CADPS: variants seen among roughly 807,000 people sequenced by gnomAD.
CADPS encodes the protein calcium-dependent secretion activator 1.
A neutral mutation model predicts 167.3 loss-of-function variants in CADPS; 57 were observed. That is an observed-to-expected ratio of 0.34 (90% CI 0.28 to 0.42). The LOEUF is 0.42. Ranked by LOEUF, CADPS falls within the 20% of genes least tolerant of loss-of-function variation. The pLI is 1.00. For synonymous variants in CADPS, 676 were observed against 635.3 expected (o/e 1.06, Z -0.96); for missense variants, 1,414 against 1,738.1 (o/e 0.81, Z 3.32).
intron 18 of CADPS, among the ~76,000 whole-genome samples, chr3:62,497,469 A>G (rs781217441): frequency 4.6e-5 from 7 of 152,180 alleles, no homozygotes; most frequent in Non-Finnish European, 8.8e-5. Flanking sequence ...GGAAGAACAC[A>G]CTTACCATCG....
At chr3:62,428,805 A>G (rs562907556) in intron 28 of CADPS, among the ~76,000 whole-genome samples, 66 of 152,148 alleles carry the variant, frequency 4.3e-4, no homozygotes, top group Non-Finnish European at 8.4e-4. Context: ...CCCCAGGGGA[A>G]ATTTGGCCAT....
At chr3:62,532,216 G>A (rs2073840909) in intron 13 of CADPS, among the ~76,000 whole-genome samples, 1 of 152,100 alleles carries the variant, frequency 6.6e-6, no homozygotes. Flanking sequence ...ACTTCCTCAG[G>A]GAGGTCCTCC....
At chr3:62,802,908 G>A (rs754043730) in intron 1 of CADPS, among the ~76,000 whole-genome samples, 1 of 152,108 alleles carries the variant, frequency 6.6e-6, no homozygotes, top group African/African-American at 2.4e-5. Flanking sequence ...TCCCCAAATA[G>A]GTCATTTCCA....
intron 27 of CADPS, among the ~76,000 whole-genome samples, chr3:62,444,626 T>C (rs376018065): frequency 1.6e-4 from 24 of 152,344 alleles, no homozygotes; most frequent in African/African-American, 4.8e-4. Context: ...CTGAGGTTTG[T>C]GGATAGGAAG....
chr3:62,807,896 CAG>C (rs1215054308), intron 1 of CADPS, among the ~76,000 whole-genome samples: 1 of 151,740 alleles, frequency 6.6e-6, no homozygotes, highest in Non-Finnish European at 1.5e-5. Context: ...TTTTTTGAGA[CAG>C]AGTCTTGCAC....
intron 1 of CADPS, among the ~76,000 whole-genome samples, chr3:62,851,366 G>A (rs2078545575): frequency 7.5e-6 from 1 of 133,774 alleles, no homozygotes; most frequent in Non-Finnish European, 1.6e-5. Context: ...TTTCTTCCTA[G>A]TCTCGATGGT....
chr3:62,557,349 T>C (rs779194075), intron 10 of CADPS, 56 bp downstream of exon 10: 81 of 1,164,636 alleles, frequency 7.0e-5, no homozygotes, highest in Middle Eastern at 2.0e-4. Flanking sequence ...TAGTTGACCA[T>C]TGATTTGGGA....
At chr3:62,683,911 T>C (rs2077542119) in intron 3 of CADPS, among the ~76,000 whole-genome samples, 1 of 152,042 alleles carries the variant, frequency 6.6e-6, no homozygotes. Flanking sequence ...TCTCAATATG[T>C]CATATCAAAG....
At chr3:62,431,023 C>CT (rs1332451282) in intron 28 of CADPS, among the ~76,000 whole-genome samples, 3 of 152,232 alleles carry the variant, frequency 2.0e-5, no homozygotes, top group Middle Eastern at 3.4e-3. Flanking sequence ...AGTAGCCTGG[C>CT]TGACATGCTC....
chr3:62,874,439 G>T lies in CADPS; in HGVS notation c.441+150C>A, dbSNP rs1008487765. 2 of 624,530 alleles carry T rather than the reference G, an allele frequency of 3.2e-6. No individual in the cohort carries two copies. The highest frequency in any genetic ancestry group is 1.9e-5 in the African/African-American group (1 of 52,348). The allele number at this position is 624,530 out of a possible 1,614,324, so 38.7% of individuals were successfully genotyped here. ...GGGCTGGGCCTGGGCGAGCCCGGCC[G>T]CTGGGAGGGGGCCTCGTAGCCCTTT... On this transcript the variant is annotated intron_variant, in intron 1 of 29. Coordinates refer to ENST00000383710, the MANE Select transcript of CADPS (RefSeq NM_003716.4). This position sits in a 1 kb window ranked among gnomAD's most constrained non-coding sequence, Gnocchi z 7.1.
chr3:62,720,416 G>A (rs1307475788), intron 3 of CADPS, among the ~76,000 whole-genome samples: 2 of 151,232 alleles, frequency 1.3e-5, no homozygotes, highest in Non-Finnish European at 2.9e-5. Flanking sequence ...TTGAACTCCT[G>A]GGACTTCTAG....
intron 6 of CADPS, among the ~76,000 whole-genome samples, chr3:62,594,453 G>A (rs934337736): frequency 9.2e-5 from 14 of 152,222 alleles, no homozygotes; most frequent in Middle Eastern, 3.4e-3. Flanking sequence ...GAGCCACCGC[G>A]CCCGGCCCTC....
intron 28 of CADPS, among the ~76,000 whole-genome samples, chr3:62,428,209 T>C (rs2053153662): frequency 6.6e-6 from 1 of 151,720 alleles, no homozygotes. Context: ...ACTGGGAATT[T>C]GGAATGAATG....
At chr3:62,862,669 G>A (rs1181801665) in intron 1 of CADPS, among the ~76,000 whole-genome samples, 2 of 152,208 alleles carry the variant, frequency 1.3e-5, no homozygotes, top group Admixed American at 1.3e-4. Flanking sequence ...ACATTTAAAT[G>A]TTTTATGAGG....
intron 26 of CADPS, among the ~76,000 whole-genome samples, chr3:62,461,334 G>C (rs2059326399): frequency 6.6e-6 from 1 of 152,152 alleles, no homozygotes; most frequent in African/African-American, 2.4e-5. Context: ...TAAAAGCCAA[G>C]ATGTGGTACC....
rs10561022 is a variant in CADPS, at chr3:62,567,564, CTTTTTTTTTTTTT to C, written c.1644+3295_1644+3307del. ...GAGAACCATCCATGACTAAGCACTG[CTTTTTTTTTTTTT>C]TTTTTTTTTTTTTTTTTTTTAGAGT... On this transcript the variant is annotated intron_variant, in intron 9 of 29. Coordinates refer to ENST00000383710, the MANE Select transcript of CADPS (RefSeq NM_003716.4). Among the ~76,000 whole-genome samples the C allele has an allele frequency of 5.6e-4, 19 of 33,848 alleles. No homozygotes were observed. In the South Asian group the frequency reaches 0.019, roughly 34 times the overall value. The allele number at this position is 33,848 out of a possible 152,430, so 22.2% of individuals were successfully genotyped here. A position where few individuals can be genotyped will look rare whatever the true frequency, so the allele number is the denominator to read the frequency against.
chr3:62,724,800 G>C (rs1027651303), intron 3 of CADPS, among the ~76,000 whole-genome samples: 14 of 152,142 alleles, frequency 9.2e-5, no homozygotes, highest in African/African-American at 3.4e-4. Flanking sequence ...GATAGCTTCC[G>C]AAAAAGACAA....
chr3:62,775,935 TATA>T (rs144421251), intron 1 of CADPS, among the ~76,000 whole-genome samples: 3,471 of 152,344 alleles, frequency 0.023, 62 homozygotes, highest in South Asian at 0.061. Flanking sequence ...CCATGACAGA[TATA>T]ATGATTACTA....
chr3:62,530,880 C>A, intron 13 of CADPS: 1 of 755,708 alleles, frequency 1.3e-6, no homozygotes, highest in Non-Finnish European at 1.7e-6. Context: ...ATCAAGAGCA[C>A]ACGCACATGC....
Sources: gnomAD v4.1 joint callset for allele counts (sites outside exome capture counted in the v4.1 genomes callset) on GRCh38, gnomAD v4.1.1 for gene constraint, Gnocchi (gnomAD v3.1) non-coding constraint, MANE v1.5 for transcripts, NCBI Gene and HGNC (gene_info 2026-07-23, HGNC 2026-07-21) for gene names.